DOCK1: variants seen among roughly 807,000 people sequenced by gnomAD.
The protein encoded by DOCK1 is dedicator of cytokinesis 1.
Under a neutral mutation model 262.7 loss-of-function variants are expected in DOCK1, and 138 were observed. The observed-to-expected ratio is 0.53, with a 90% CI of 0.46 to 0.61. DOCK1 has a LOEUF of 0.61. Ranked by LOEUF, DOCK1 falls within the 20% of genes least tolerant of loss-of-function variation. The pLI is 0.00. For missense variants in DOCK1, 1,908 were observed against 2,370.7 expected (o/e 0.80, Z 4.05); for synonymous variants, 866 against 867.4 (o/e 1.00, Z 0.03).
chr10:127,364,822 CCCTTTCTTCCTTCTTTCCTCCCTT>C (rs1220509694), intron 33 of DOCK1, among the ~76,000 whole-genome samples: 1 of 151,996 alleles, frequency 6.6e-6, no homozygotes, highest in Non-Finnish European at 1.5e-5. Flanking sequence ...CTCCCTCCCT[CCCTTTCTTCCTTCTTTCCTCCCTT>C]CCTTCTTTCC....
At chr10:127,189,492 T>C (rs2056559463) in intron 27 of DOCK1, among the ~76,000 whole-genome samples, 1 of 152,122 alleles carries the variant, frequency 6.6e-6, no homozygotes, top group African/African-American at 2.4e-5. Context: ...ATAGACACAA[T>C]AAATAAAGTA....
rs2069231051 is a variant in DOCK1 at position 127,430,777 on chromosome 10, T to G, written c.4915-2506T>G. Among the ~76,000 whole-genome samples the G allele has an allele frequency of 2.6e-5, 4 of 152,130 alleles. No homozygotes were observed. In the South Asian group the frequency reaches 8.3e-4, roughly 32 times the overall value. ...TACAGCACTGGTCCCTGTGATTAAG[T>G]TCAGCCAACCCCTTCAACCCAGCCC... is the stretch of plus-strand genomic sequence containing the variant. On this transcript the variant is annotated intron_variant, in intron 47 of 51. Coordinates refer to ENST00000623213, the MANE Select transcript of DOCK1 (RefSeq NM_001290223.2).
intron 47 of DOCK1, among the ~76,000 whole-genome samples, chr10:127,428,954 GC>G (rs2069059526): frequency 8.8e-6 from 1 of 114,108 alleles, no homozygotes; most frequent in East Asian, 2.6e-4. Flanking sequence ...GGATTGGGGT[GC>G]TGTGTGGATT....
At chr10:127,320,385 G>A (rs937705646) in intron 29 of DOCK1, among the ~76,000 whole-genome samples, 2 of 152,218 alleles carry the variant, frequency 1.3e-5, no homozygotes, top group African/African-American at 4.8e-5. Flanking sequence ...GAGCAGTTGC[G>A]TAAGTCCTTG....
At chr10:127,105,652 C>T (rs901430034) in intron 23 of DOCK1, among the ~76,000 whole-genome samples, 19 of 152,144 alleles carry the variant, frequency 1.2e-4, no homozygotes, top group African/African-American at 4.3e-4. Context: ...ACAGTATAGG[C>T]ACTTAGGCCA....
At chr10:127,255,964 C>T (rs777427579) in intron 28 of DOCK1, among the ~76,000 whole-genome samples, 2 of 152,148 alleles carry the variant, frequency 1.3e-5, no homozygotes, top group Non-Finnish European at 2.9e-5. Context: ...TTTGTTGTGT[C>T]GGAAGGGAGG....
chr10:126,919,025 A>G (rs992265413), intron 1 of DOCK1, among the ~76,000 whole-genome samples: 2 of 115,236 alleles, frequency 1.7e-5, no homozygotes, highest in Admixed American at 1.8e-4. Flanking sequence ...TTGGCTGTCT[A>G]AAGATCATTA....
At chr10:127,282,266 C>T (rs1313982767) in intron 29 of DOCK1, among the ~76,000 whole-genome samples, 1 of 151,858 alleles carries the variant, frequency 6.6e-6, no homozygotes, top group Non-Finnish European at 1.5e-5. Flanking sequence ...CTCTCTCTCT[C>T]TGTCTCTCAT....
intron 29 of DOCK1, among the ~76,000 whole-genome samples, chr10:127,316,382 A>G (rs963322579): frequency 1.3e-5 from 2 of 152,200 alleles, no homozygotes; most frequent in African/African-American, 4.8e-5. Flanking sequence ...CTATGTGACG[A>G]TAAAACTCCA....
Position 126,981,784 on chromosome 10 carries a change from T to C in DOCK1, c.172-134T>C, listed in dbSNP as rs1032630192. On this transcript the variant is annotated intron_variant, in intron 3 of 51. Coordinates refer to ENST00000623213, the MANE Select transcript of DOCK1 (RefSeq NM_001290223.2). ...TCTTTTCTACTTCTTTGTGTTTTCT[T>C]TGATATGTTAAGACTTAAAAAATTA... The C allele has an allele frequency of 2.2e-5, 17 of 786,238 alleles. No homozygotes were observed. In the African/African-American group the frequency reaches 2.8e-4, roughly 13 times the overall value. 48.7% of individuals were successfully genotyped at this position (786,238 alleles called of 1,614,324 possible). A position where few individuals can be genotyped will look rare whatever the true frequency, so the allele number is the denominator to read the frequency against.
intron 1 of DOCK1, among the ~76,000 whole-genome samples, chr10:126,949,350 C>T (rs1469069090): frequency 6.6e-6 from 1 of 152,100 alleles, no homozygotes; most frequent in Non-Finnish European, 1.5e-5. Context: ...GGACATGTTG[C>T]TTGACAAGTG....
chr10:126,942,180 C>T (rs919620117), intron 1 of DOCK1, among the ~76,000 whole-genome samples: 8 of 152,282 alleles, frequency 5.3e-5, no homozygotes, highest in East Asian at 1.9e-4. Flanking sequence ...CCCGCCACCA[C>T]GCCCGGCTAA....
chr10:127,185,979 C>G (rs960844787), intron 27 of DOCK1, among the ~76,000 whole-genome samples: 1 of 152,128 alleles, frequency 6.6e-6, no homozygotes, highest in Non-Finnish European at 1.5e-5. Flanking sequence ...CTTGGGTACT[C>G]CCAAGATATG....
At chr10:127,143,736 C>G (rs1366174111) in intron 27 of DOCK1, among the ~76,000 whole-genome samples, 1 of 152,182 alleles carries the variant, frequency 6.6e-6, no homozygotes, top group East Asian at 1.9e-4. Context: ...GGCTCTCCCC[C>G]TTGCATGGGA....
At chr10:127,414,051 A>G (rs759323179) in intron 43 of DOCK1, among the ~76,000 whole-genome samples, 12 of 152,126 alleles carry the variant, frequency 7.9e-5, no homozygotes, top group Non-Finnish European at 1.2e-4. Context: ...AGCTGAGACT[A>G]TAGGCACATG....
rs561856213 is a variant in DOCK1, at chr10:127,023,681, G to A, written c.1452+357G>A. 7.8e-4 allele frequency among the ~76,000 whole-genome samples: 118 copies of A among 151,054 alleles called. 1 individual carries two copies. The highest frequency in any genetic ancestry group is 4.8e-3 in the South Asian group (23 of 4,752). ...TCACCATGTTGACCTCAAATAATCC[G>A]CCCGCCTTGGCCTACCAAGGTGCTG... On this transcript the variant is annotated intron_variant, in intron 14 of 51. Coordinates refer to ENST00000623213, the MANE Select transcript of DOCK1 (RefSeq NM_001290223.2).
chr10:127,145,220 A>G (rs2051690592), intron 27 of DOCK1, among the ~76,000 whole-genome samples: 1 of 152,076 alleles, frequency 6.6e-6, no homozygotes, highest in Non-Finnish European at 1.5e-5. Context: ...AGAACCTGGC[A>G]TCCCATAAAA....
At chr10:127,443,072 C>T (rs552369364) in intron 49 of DOCK1, among the ~76,000 whole-genome samples, 2 of 152,280 alleles carry the variant, frequency 1.3e-5, no homozygotes, top group South Asian at 4.1e-4. Context: ...AGAGTCTACA[C>T]ATGCCTCTCT....
Position 127,353,843 on chromosome 10 carries a change from C to T in DOCK1, c.3225-826C>T, listed in dbSNP as rs147933655. Among the ~76,000 whole-genome samples the T allele has an allele frequency of 5.8e-4, 89 of 152,262 alleles. 1 individual carries two copies. Among genetic ancestry groups the T allele is most frequent in the African/African-American group, 1.9e-3 (80 of 41,548 alleles). On this transcript the variant is annotated intron_variant, in intron 31 of 51. Coordinates refer to ENST00000623213, the MANE Select transcript of DOCK1 (RefSeq NM_001290223.2). Reference sequence around the variant, plus strand: ...CAGCTGGCCGCGGTTGTTGATTTACCGGCCAGGATCTTCGCCTCAAGAACC... The same window carrying T: ...CAGCTGGCCGCGGTTGTTGATTTACTGGCCAGGATCTTCGCCTCAAGAACC...
Sources: gnomAD v4.1 joint callset for allele counts (sites outside exome capture counted in the v4.1 genomes callset) on GRCh38, gnomAD v4.1.1 for gene constraint, MANE v1.5 for transcripts, NCBI Gene and HGNC (gene_info 2026-07-23, HGNC 2026-07-21) for gene names.